HDX: variants seen among roughly 807,000 people sequenced by gnomAD.
The protein encoded by HDX is highly divergent homeobox.
In HDX, 19 loss-of-function variants were observed where a neutral mutation model predicts 45.2. That is an observed-to-expected ratio of 0.42 (90% CI 0.29 to 0.62). The LOEUF (loss-of-function observed/expected upper bound fraction) is 0.62, where lower values mean the gene tolerates loss of function less well. HDX is among the 20% of genes least tolerant of loss of function. HDX has a pLI of 0.20. For synonymous variants in HDX, 188 were observed against 172.8 expected (o/e 1.09, Z -0.69); for missense variants, 532 against 493.9 (o/e 1.08, Z -0.73).
At chrX:84,348,350 T>C (rs963381581) in intron 6 of HDX, among the ~76,000 whole-genome samples, 26 of 111,661 alleles carry the variant, frequency 2.3e-4, no homozygotes, top group Non-Finnish European at 4.5e-4. Context: ...TCTGCTTACA[T>C]TACCATTCTG....
intron 5 of HDX, among the ~76,000 whole-genome samples, chrX:84,375,385 C>T (rs2038024846): frequency 9.0e-6 from 1 of 110,602 alleles, no homozygotes; most frequent in African/African-American, 3.3e-5. Context: ...CCCAGCCATC[C>T]CATTACTGGG....
At chrX:84,473,129 T>A (rs937046585) in intron 3 of HDX, among the ~76,000 whole-genome samples, 3 of 109,760 alleles carry the variant, frequency 2.7e-5, no homozygotes, top group Admixed American at 9.8e-5. Context: ...CTTCTTTCCC[T>A]TTTTTTATAT....
At chrX:84,448,320 G>T (rs1432004424) in intron 4 of HDX, among the ~76,000 whole-genome samples, 1 of 111,241 alleles carries the variant, frequency 9.0e-6, no homozygotes, top group Non-Finnish European at 1.9e-5. Context: ...GACATGGCCA[G>T]CACCTGAGGA....
intron 4 of HDX, among the ~76,000 whole-genome samples, chrX:84,452,551 AAGTC>A (rs1194591402): frequency 5.4e-5 from 6 of 110,461 alleles, no homozygotes; most frequent in Non-Finnish European, 9.5e-5. Flanking sequence ...AAAAAAAAAA[AAGTC>A]AGCTGAAAGC....
chrX:84,469,552 T>C lies in HDX; in HGVS notation c.171A>G (p.Arg57=). 1 of 1,189,830 alleles carries C rather than the reference T, an allele frequency of 8.4e-7. No individual in the cohort carries two copies. Among genetic ancestry groups the C allele is most frequent in the South Asian group, 1.9e-5 (1 of 53,150 alleles). The part of the protein sequence containing the change: ...VVRTWVGNKR[R]KMSSKNSESG... ...ATTCAGAGTTCTTACTACTCATCTT[T>C]CTTCTCTTATTGCCAACCCACGTCT... Residue 57 remains arginine (R), a synonymous_variant, in exon 4 of 11, where the codon AGA becomes AGG. Coordinates refer to ENST00000373177, the MANE Select transcript of HDX (RefSeq NM_001177479.2).
chrX:84,413,356 G>A (rs1337974692), intron 5 of HDX, among the ~76,000 whole-genome samples: 1 of 111,721 alleles, frequency 9.0e-6, no homozygotes, highest in East Asian at 2.8e-4. Flanking sequence ...TTGAGTGTTT[G>A]TTTATGGTAT....
At chrX:84,365,729 A>G (rs1389201113) in intron 5 of HDX, among the ~76,000 whole-genome samples, 1 of 112,200 alleles carries the variant, frequency 8.9e-6, no homozygotes, top group Non-Finnish European at 1.9e-5. Context: ...CAATATGTGC[A>G]GAATATGAGG....
chrX:84,385,742 A>G (rs1170137673), intron 5 of HDX, among the ~76,000 whole-genome samples: 2 of 109,477 alleles, frequency 1.8e-5, no homozygotes, highest in South Asian at 3.9e-4. Flanking sequence ...TATCAATTCT[A>G]GTTGCCTTTT....
intron 5 of HDX, among the ~76,000 whole-genome samples, chrX:84,365,071 G>A (rs2037716561): frequency 9.3e-6 from 1 of 107,212 alleles, no homozygotes; most frequent in African/African-American, 3.5e-5. Context: ...AACATTGGAG[G>A]GCAGATATCT....
intron 5 of HDX, among the ~76,000 whole-genome samples, chrX:84,435,508 G>T (rs2039606096): frequency 9.1e-6 from 1 of 109,762 alleles, no homozygotes; most frequent in African/African-American, 3.3e-5. Flanking sequence ...CCACGTTGTA[G>T]GTTGCCTGTT....
At chrX:84,351,216 G>A (rs985301301) in intron 6 of HDX, among the ~76,000 whole-genome samples, 13 of 110,976 alleles carry the variant, frequency 1.2e-4, no homozygotes, top group African/African-American at 3.9e-4. Context: ...ATGAGGAGGA[G>A]GAAGGGCTCA....
intron 7 of HDX, among the ~76,000 whole-genome samples, chrX:84,342,595 G>A (rs766531308): frequency 1.8e-5 from 2 of 110,373 alleles, no homozygotes; most frequent in African/African-American, 6.6e-5. Context: ...CCAACTCACT[G>A]GTAAAAGATG....
chrX:84,325,812 A>C (rs2036697107), intron 10 of HDX, among the ~76,000 whole-genome samples: 1 of 111,728 alleles, frequency 9.0e-6, no homozygotes, highest in Admixed American at 9.6e-5. Flanking sequence ...ATGCAAAGAA[A>C]TGCTTTAACT....
chrX:84,462,724 T>C (rs920366702), intron 4 of HDX, among the ~76,000 whole-genome samples: 1 of 110,792 alleles, frequency 9.0e-6, no homozygotes, highest in Non-Finnish European at 1.9e-5. Flanking sequence ...AAGAGAGTAA[T>C]AAACTTAGAA....
rs889482579 is a variant in HDX, at chrX:84,334,112, G to A, written c.1741-270C>T. On this transcript the variant is annotated intron_variant, in intron 8 of 10. Transcript: ENST00000373177. ...CTACAATATCCCTAACAAAGCAGGC[G>A]AACTGCTTAAACAGCACCCTCCAGG... 3.6e-5 allele frequency among the ~76,000 whole-genome samples: 4 copies of A among 110,880 alleles called. No individual in the cohort carries two copies. In the South Asian group the frequency reaches 1.1e-3, roughly 31 times the overall value.
intron 10 of HDX, among the ~76,000 whole-genome samples, chrX:84,323,350 G>C (rs1176444788): frequency 9.0e-6 from 1 of 111,059 alleles, no homozygotes; most frequent in Non-Finnish European, 1.9e-5. Flanking sequence ...CCCAGTCCCA[G>C]TGCAATGGGG....
chrX:84,493,463 C>T (rs1411229285), intron 1 of HDX, among the ~76,000 whole-genome samples: 2 of 111,963 alleles, frequency 1.8e-5, no homozygotes, highest in African/African-American at 6.5e-5. Context: ...TTGCCAGCTA[C>T]ATAAAACATA....
intron 4 of HDX, among the ~76,000 whole-genome samples, chrX:84,457,136 C>CT (rs915923785): frequency 4.7e-4 from 52 of 109,937 alleles, no homozygotes; most frequent in East Asian, 2.0e-3. Flanking sequence ...ACAAAATCTT[C>CT]TTTTTTTTTG....
chrX:84,436,360 A>C (rs900859452), intron 5 of HDX, among the ~76,000 whole-genome samples: 3 of 108,202 alleles, frequency 2.8e-5, no homozygotes, highest in Non-Finnish European at 5.8e-5. Context: ...GCGCACCAGC[A>C]TGGCACATGT....
Sources: allele counts gnomAD v4.1 joint callset (sites outside exome capture counted in the v4.1 genomes callset), GRCh38; gene constraint gnomAD v4.1.1; transcripts MANE v1.5; gene names NCBI Gene and HGNC (gene_info 2026-07-23, HGNC 2026-07-21).